MTHFD1L: variants seen among roughly 807,000 people sequenced by gnomAD.
MTHFD1L encodes methylenetetrahydrofolate dehydrogenase (NADP+ dependent) 1 like.
A neutral mutation model predicts 119.5 loss-of-function variants in MTHFD1L; 81 were observed. That is an observed-to-expected ratio of 0.68 (90% CI 0.57 to 0.82). The LOEUF (loss-of-function observed/expected upper bound fraction) is 0.82. MTHFD1L is among the 40% of genes least tolerant of loss of function. The pLI, the probability that MTHFD1L is intolerant of heterozygous loss-of-function variation, is 0.00. For synonymous variants in MTHFD1L, 430 were observed against 475.2 expected, an observed-to-expected ratio of 0.90 and a Z score of 1.24; for missense variants, 1,125 against 1,253.4, an observed-to-expected ratio of 0.90 and a Z score of 1.55.
At chr6:151,074,260 T>C (rs910344382) in intron 26 of MTHFD1L, among the ~76,000 whole-genome samples, 1 of 152,092 alleles carries the variant, frequency 6.6e-6, no homozygotes, top group Non-Finnish European at 1.5e-5. Flanking sequence ...AGAAAGAAAA[T>C]GATACCAGTT....
intron 1 of MTHFD1L, chr6:150,866,446 G>A (rs997978519): frequency 3.0e-6 from 4 of 1,328,858 alleles, no homozygotes; most frequent in Non-Finnish European, 9.6e-7. Context: ...GCAGGAGGAG[G>A]GCGGGGCTGC....
In MTHFD1L at chr6:151,039,227, C is replaced by T. The variant is rs1562578680; in HGVS notation, c.2847+2110C>T. ...CCAGAAAAATCCCACAGACACCGCT[C>T]GTAGCAGTGTTGGCACAGGGAGAAG... On this transcript the variant is annotated intron_variant, in intron 26 of 27. Coordinates refer to ENST00000367321, the MANE Select transcript of MTHFD1L (RefSeq NM_015440.5). The surrounding 1 kb of genome is among the most constrained non-coding windows in gnomAD (Gnocchi z 4.4). Among the ~76,000 whole-genome samples the T allele has an allele frequency of 1.3e-5, 2 of 152,056 alleles. No individual in the cohort carries two copies. The highest frequency in any genetic ancestry group is 2.1e-4 in the South Asian group (1 of 4,814).
At chr6:150,961,090 T>C (rs911392191) in intron 18 of MTHFD1L, among the ~76,000 whole-genome samples, 6 of 39,084 alleles carry the variant, frequency 1.5e-4, no homozygotes, top group African/African-American at 4.3e-4. Context: ...TCCTGTTAAC[T>C]TTTTTTTTTT....
At chr6:150,969,138 C>A (rs905654636) in intron 19 of MTHFD1L, among the ~76,000 whole-genome samples, 2 of 149,170 alleles carry the variant, frequency 1.3e-5, no homozygotes, top group Non-Finnish European at 2.9e-5. Flanking sequence ...TGGGCCACCA[C>A]GCCCAGCAAA....
chr6:151,000,552 A>G (rs1780476618), intron 20 of MTHFD1L, among the ~76,000 whole-genome samples: 1 of 152,174 alleles, frequency 6.6e-6, no homozygotes, highest in East Asian at 1.9e-4. Flanking sequence ...GATGAGTTGG[A>G]TCCTCAAAAT....
intron 26 of MTHFD1L, among the ~76,000 whole-genome samples, chr6:151,038,778 A>G (rs1422089282): frequency 2.0e-5 from 3 of 152,130 alleles, no homozygotes; most frequent in Non-Finnish European, 4.4e-5. Context: ...AATTGCAGAC[A>G]TACTCTAAAA....
chr6:151,053,808 C>T (rs925078881), intron 26 of MTHFD1L, among the ~76,000 whole-genome samples: 2 of 148,460 alleles, frequency 1.3e-5, no homozygotes, highest in African/African-American at 2.5e-5. Flanking sequence ...TGCAGTGAGC[C>T]GAGATTGTGG....
intron 26 of MTHFD1L, among the ~76,000 whole-genome samples, chr6:151,057,934 A>G (rs1790182583): frequency 6.6e-6 from 1 of 152,104 alleles, no homozygotes; most frequent in Non-Finnish European, 1.5e-5. Flanking sequence ...GCGTGCCACC[A>G]TGCCCAGCTA....
At position 150,986,500 on chromosome 6, in the gene MTHFD1L, G is replaced by T. The variant is rs116960474; in HGVS notation, c.2125+14442G>T. ...CATTTCCGTGGTTTTGGGATTAAAC[G>T]GTTCCACCTCAGATCATAAGGCGTG... On this transcript the variant is annotated intron_variant, in intron 20 of 27. Coordinates refer to ENST00000367321, the MANE Select transcript of MTHFD1L (RefSeq NM_015440.5). Among the ~76,000 whole-genome samples the T allele has an allele frequency of 5.9e-3, 905 of 152,210 alleles. 32 individuals are homozygous for T. The East Asian group carries it at 0.099, about 17-fold the overall frequency.
chr6:150,871,495 CTTT>C (rs149449398), intron 1 of MTHFD1L, among the ~76,000 whole-genome samples: 7 of 102,084 alleles, frequency 6.9e-5, no homozygotes, highest in African/African-American at 2.6e-4. Context: ...CTACTGTAAT[CTTT>C]TTTTTTTTTT....
chr6:150,865,766 C>T lies in MTHFD1L; in HGVS notation c.-57C>T, dbSNP rs1778187312. On this transcript the variant is annotated 5_prime_UTR_variant, in exon 1 of 28. Transcript: ENST00000367321. Reference sequence around the variant, plus strand: ...CGCCGCCTGCTCCCCTGGCACGCGCCCCGCCGCCCTCGGCAGCCGCAGCTC... The same window carrying T: ...CGCCGCCTGCTCCCCTGGCACGCGCTCCGCCGCCCTCGGCAGCCGCAGCTC... 3 of 1,223,186 alleles carry T rather than the reference C, an allele frequency of 2.5e-6. No homozygotes were observed. Among genetic ancestry groups the T allele is most frequent in the Non-Finnish European group, 3.1e-6 (3 of 979,096 alleles). The allele number at this position is 1,223,186 out of a possible 1,614,324, so 75.8% of individuals were successfully genotyped here.
intron 26 of MTHFD1L, among the ~76,000 whole-genome samples, chr6:151,072,152 T>C (rs949500149): frequency 2.0e-5 from 3 of 148,282 alleles, no homozygotes; most frequent in Admixed American, 6.9e-5. Context: ...TTATGGCCCC[T>C]TTTAAAGACT....
chr6:150,997,682 T>C (rs1482284913), intron 20 of MTHFD1L, among the ~76,000 whole-genome samples: 1 of 151,996 alleles, frequency 6.6e-6, no homozygotes, highest in Non-Finnish European at 1.5e-5. Flanking sequence ...TCCCAGCTGC[T>C]CAGGAGGCTG....
intron 11 of MTHFD1L, among the ~76,000 whole-genome samples, chr6:150,929,930 G>T (rs1790734096): frequency 6.6e-6 from 1 of 152,066 alleles, no homozygotes; most frequent in African/African-American, 2.4e-5. Context: ...TGCATTTGTG[G>T]CACAGCTTGA....
chr6:150,899,193 G>A (rs1229554276), intron 7 of MTHFD1L, among the ~76,000 whole-genome samples: 5 of 152,178 alleles, frequency 3.3e-5, no homozygotes, highest in African/African-American at 1.2e-4. Flanking sequence ...AAAAAGGAAG[G>A]TCATTTATTA....
At chr6:150,867,333 AG>A (rs1452225999) in intron 1 of MTHFD1L, among the ~76,000 whole-genome samples, 1 of 152,130 alleles carries the variant, frequency 6.6e-6, no homozygotes, top group Non-Finnish European at 1.5e-5. Context: ...CTGGGACCAC[AG>A]GTGTGCGCTA....
intron 8 of MTHFD1L, among the ~76,000 whole-genome samples, chr6:150,914,568 C>T (rs746411721): frequency 1.9e-4 from 29 of 149,858 alleles, no homozygotes; most frequent in South Asian, 2.1e-4. Context: ...CTGAGGTGGA[C>T]GGATTGCTTG....
At chr6:151,002,970 T>A (rs1004606684) in intron 20 of MTHFD1L, among the ~76,000 whole-genome samples, 3 of 152,008 alleles carry the variant, frequency 2.0e-5, no homozygotes, top group African/African-American at 7.2e-5. Context: ...TTTACAACAA[T>A]CAAAAATGTC....
intron 8 of MTHFD1L, among the ~76,000 whole-genome samples, chr6:150,908,305 C>T (rs1786280791): frequency 6.6e-6 from 1 of 151,740 alleles, no homozygotes; most frequent in Non-Finnish European, 1.5e-5. Flanking sequence ...AGAAACATTT[C>T]CTTGAATTTG....
Sources: gnomAD v4.1 joint callset for allele counts (sites outside exome capture counted in the v4.1 genomes callset) on GRCh38, gnomAD v4.1.1 for gene constraint, Gnocchi (gnomAD v3.1) non-coding constraint, MANE v1.5 for transcripts, NCBI Gene and HGNC (gene_info 2026-07-23, HGNC 2026-07-21) for gene names.